The following WDR49 variants were observed in gnomAD, a reference collection of about 807,000 sequenced individuals.
WDR49 encodes the protein WD repeat domain 49.
WDR49 carries 107 observed loss-of-function variants against 119.5 expected under a neutral mutation model. That is an observed-to-expected ratio of 0.90 (90% CI 0.77 to 1.05). WDR49 has a LOEUF of 1.05. WDR49 is among the 50% of genes least tolerant of loss of function. The pLI, the probability that WDR49 is intolerant of heterozygous loss-of-function variation, is 0.00. For synonymous variants in WDR49, 425 were observed against 418.8 expected (o/e 1.01, Z -0.18); for missense variants, 1,240 against 1,220.5 (o/e 1.02, Z -0.24).
chr3:167,497,542 A>G (rs1444998791), intron 18 of WDR49, among the ~76,000 whole-genome samples: 9 of 152,112 alleles, frequency 5.9e-5, no homozygotes. Flanking sequence ...CCATATGAAG[A>G]ATTCATCTGT....
At chr3:167,553,526 A>C (rs1273032275) in intron 10 of WDR49, among the ~76,000 whole-genome samples, 1 of 152,150 alleles carries the variant, frequency 6.6e-6, no homozygotes, top group Non-Finnish European at 1.5e-5. Flanking sequence ...CCAAGTTTTG[A>C]CTTGAATTGA....
chr3:167,542,009 G>A (rs991550261), intron 10 of WDR49, among the ~76,000 whole-genome samples: 4 of 151,952 alleles, frequency 2.6e-5, no homozygotes, highest in Admixed American at 2.6e-4. Flanking sequence ...GGGCAACAGA[G>A]TGTGACCCCA....
chr3:167,537,806 G>A (rs1262760416), intron 10 of WDR49, among the ~76,000 whole-genome samples: 5 of 152,022 alleles, frequency 3.3e-5, no homozygotes, highest in African/African-American at 7.2e-5. Context: ...TCCTTCTAGA[G>A]CCATCTAGAT....
chr3:167,565,356 GAA>G (rs747708281), intron 8 of WDR49, among the ~76,000 whole-genome samples: 1 of 91,546 alleles, frequency 1.1e-5, no homozygotes, highest in African/African-American at 3.9e-5. Flanking sequence ...AACAAGATCA[GAA>G]AAAAAAAAAA....
At chr3:167,554,305 A>C (rs1173295434) in intron 10 of WDR49, among the ~76,000 whole-genome samples, 1 of 152,178 alleles carries the variant, frequency 6.6e-6, no homozygotes, top group Non-Finnish European at 1.5e-5. Flanking sequence ...TGAGAAAAGA[A>C]GTAATGAGTT....
chr3:167,648,028 C>G (rs1718206998), intron 2 of WDR49, among the ~76,000 whole-genome samples: 1 of 151,942 alleles, frequency 6.6e-6, no homozygotes, highest in Admixed American at 6.6e-5. Flanking sequence ...AGCAACATGC[C>G]AAAGGAAGGT....
intron 18 of WDR49, among the ~76,000 whole-genome samples, chr3:167,496,463 A>AT (rs77157538): frequency 2.7e-4 from 39 of 142,850 alleles, no homozygotes; most frequent in South Asian, 6.7e-4. Flanking sequence ...ATCCCCCGCT[A>AT]TTTTTTTTTT....
chr3:167,505,760 GA>G (rs1751746868), intron 16 of WDR49, among the ~76,000 whole-genome samples: 1 of 152,154 alleles, frequency 6.6e-6, no homozygotes, highest in South Asian at 2.1e-4. Context: ...TATATAATGA[GA>G]AGTAAGCATC....
chr3:167,511,526 C>G (rs1457853630), intron 16 of WDR49, among the ~76,000 whole-genome samples: 1 of 152,156 alleles, frequency 6.6e-6, no homozygotes, highest in Admixed American at 6.5e-5. Flanking sequence ...AACTATAAAA[C>G]CTATATATTG....
At chr3:167,573,430 A>ACACC (rs1553867426) in intron 8 of WDR49, among the ~76,000 whole-genome samples, 1 of 145,392 alleles carries the variant, frequency 6.9e-6, no homozygotes, top group Admixed American at 6.8e-5. Context: ...ACACACACAC[A>ACACC]ACACAAATAG....
chr3:167,597,809 C>T (rs1157643632), intron 7 of WDR49, among the ~76,000 whole-genome samples: 2 of 152,152 alleles, frequency 1.3e-5, no homozygotes, highest in Non-Finnish European at 2.9e-5. Context: ...CAATTTCTCC[C>T]TTTTGGAATG....
chr3:167,537,067 C>T (rs944866062), intron 10 of WDR49, 67 bp from the exon 11 acceptor site: 50 of 1,413,422 alleles, frequency 3.5e-5, no homozygotes, highest in Non-Finnish European at 4.6e-5. Context: ...TAGCCACTAT[C>T]CACTTGAATG....
rs138815835 is a variant in WDR49, at chr3:167,554,769, A to G, written c.1704T>C (p.His568=). The stretch of plus-strand genomic sequence containing the variant: ...CTCCATCTTGCCCAACATTTAGTGT[A>G]TGGTGACAATATCCATTGAAGTCCC... ...KIWDFNGYCH[H]TLNVGQDGAV... The change falls in exon 10 of 19, where the codon CAT becomes CAC. Residue 568 remains histidine, a synonymous_variant. Transcript: ENST00000682715. 6.2e-7 allele frequency: 1 copy of G among 1,611,610 alleles called. No homozygotes were observed. Among genetic ancestry groups the G allele is most frequent in the Non-Finnish European group, 8.5e-7 (1 of 1,179,308 alleles).
intron 7 of WDR49, among the ~76,000 whole-genome samples, chr3:167,601,549 T>C (rs1046128860): frequency 2.0e-5 from 3 of 152,142 alleles, no homozygotes; most frequent in African/African-American, 7.2e-5. Context: ...CCTAAGTGGA[T>C]ATAAGTAATA....
chr3:167,544,775 C>T (rs1712068031), intron 10 of WDR49, among the ~76,000 whole-genome samples: 1 of 151,964 alleles, frequency 6.6e-6, no homozygotes, highest in Non-Finnish European at 1.5e-5. Flanking sequence ...TAGACATTGA[C>T]TTAGGCAAAG....
At chr3:167,537,200 A>C (rs1341827443) in intron 10 of WDR49, among the ~76,000 whole-genome samples, 200 bp from the exon 11 acceptor site, 5 of 152,150 alleles carry the variant, frequency 3.3e-5, no homozygotes, top group South Asian at 2.1e-4. Flanking sequence ...GTAAATTATA[A>C]ATTTTTGACA....
chr3:167,483,840 C>G (rs150687391), intron 18 of WDR49, among the ~76,000 whole-genome samples: 3,916 of 152,016 alleles, frequency 0.026, 74 homozygotes, highest in Non-Finnish European at 0.042. Context: ...TAGATGAGGC[C>G]CAGAAAACCT....
intron 5 of WDR49, among the ~76,000 whole-genome samples, chr3:167,608,566 A>T (rs2108311782): frequency 6.6e-6 from 1 of 152,334 alleles, no homozygotes; most frequent in South Asian, 2.1e-4. Context: ...CTTGTTTCTG[A>T]TTAAACTGTA....
intron 13 of WDR49, 123 bp downstream of exon 13, chr3:167,530,992 C>T (rs1164230305): frequency 9.8e-7 from 1 of 1,016,722 alleles, no homozygotes. Context: ...TGTGACCTCA[C>T]TTGACACACT....
Sources: allele counts gnomAD v4.1 joint callset (sites outside exome capture counted in the v4.1 genomes callset), GRCh38; gene constraint gnomAD v4.1.1; transcripts MANE v1.5; gene names NCBI Gene and HGNC (gene_info 2026-07-23, HGNC 2026-07-21).